Variants in KLF8 observed in about 807,000 individuals in gnomAD.
KLF8 encodes the protein Krueppel-like factor 8.
A neutral mutation model predicts 18.2 loss-of-function variants in KLF8; 10 were observed. The observed-to-expected ratio is 0.55, with a 90% CI of 0.34 to 0.93. The LOEUF (loss-of-function observed/expected upper bound fraction) is 0.93, where lower values mean the gene tolerates loss of function less well. Ranked by LOEUF, KLF8 falls within the 40% of genes least tolerant of loss-of-function variation. The probability of loss-of-function intolerance (pLI) is 0.02; values close to 1 mark genes in which losing one functional copy is unlikely to be tolerated. For synonymous variants in KLF8, 109 were observed against 97.3 expected (o/e 1.12, Z -0.71); for missense variants, 264 against 277.9 (o/e 0.95, Z 0.36).
chrX:56,204,848 G>T, the KLF8 span, among the ~76,000 whole-genome samples: 6 of 110,565 alleles, frequency 5.4e-5, no homozygotes, highest in East Asian at 1.7e-3. Context: ...TAAATGGAGA[G>T]CACTGATCTG....
chrX:56,119,959 C>T, the KLF8 span, among the ~76,000 whole-genome samples: 1 of 108,038 alleles, frequency 9.3e-6, no homozygotes, highest in Non-Finnish European at 1.9e-5. Context: ...TCCATTTCGG[C>T]CCTTTTACAC....
the KLF8 span, among the ~76,000 whole-genome samples, chrX:56,161,829 G>A: frequency 1.8e-5 from 2 of 111,664 alleles, no homozygotes; most frequent in Non-Finnish European, 3.8e-5. Flanking sequence ...GCATTCCTTT[G>A]GTGGAGGAGA....
chrX:56,184,842 C>T, the KLF8 span, among the ~76,000 whole-genome samples: 5 of 112,193 alleles, frequency 4.5e-5, no homozygotes, highest in Admixed American at 3.8e-4. Context: ...AACTAACAAA[C>T]AGAAAGGACA....
At chrX:55,926,071 CACTT>C in the KLF8 span, among the ~76,000 whole-genome samples, 9 of 111,859 alleles carry the variant, frequency 8.0e-5, no homozygotes, top group Non-Finnish European at 3.8e-5. Context: ...CATGGTCTGA[CACTT>C]AGTAGAAAGT....
the KLF8 span, among the ~76,000 whole-genome samples, chrX:56,026,906 T>C: frequency 8.9e-6 from 1 of 112,739 alleles, no homozygotes; most frequent in Non-Finnish European, 1.9e-5. Context: ...AAGGAGCTAC[T>C]CCATAGGCTT....
intron 1 of KLF8, chrX:56,243,365 G>A: frequency 3.4e-6 from 1 of 296,933 alleles, no homozygotes; most frequent in South Asian, 4.1e-5. Context: ...CTTTGGCTTT[G>A]ACTTTAGGAG....
At chrX:56,281,778 T>C (rs2147698372) in intron 5 of KLF8, among the ~76,000 whole-genome samples, 1 of 112,837 alleles carries the variant, frequency 8.9e-6, no homozygotes, top group Non-Finnish European at 1.9e-5. Context: ...TCTCTGCATA[T>C]ATACTTTGTT....
the KLF8 span, among the ~76,000 whole-genome samples, chrX:56,212,249 CT>C: frequency 8.1e-5 from 9 of 111,709 alleles, no homozygotes; most frequent in African/African-American, 2.9e-4. Flanking sequence ...GAAGGGGTTT[CT>C]TTTGTAGCTC....
the KLF8 span, among the ~76,000 whole-genome samples, chrX:55,940,260 G>A: frequency 1.8e-5 from 2 of 111,745 alleles, no homozygotes; most frequent in Non-Finnish European, 3.8e-5. Flanking sequence ...CATATAAACA[G>A]AACCAAAGAC....
intron 5 of KLF8, among the ~76,000 whole-genome samples, chrX:56,278,836 T>G (rs2067159310): frequency 8.9e-6 from 1 of 111,809 alleles, no homozygotes; most frequent in Admixed American, 9.5e-5. Context: ...AGTTCTGACT[T>G]CTGGGATGGG....
the KLF8 span, among the ~76,000 whole-genome samples, chrX:56,064,145 A>G: frequency 4.0e-5 from 4 of 100,896 alleles, no homozygotes; most frequent in African/African-American, 8.4e-5. Flanking sequence ...ATACATATAT[A>G]TGTGTGTGTG....
chrX:55,969,008 G>A, the KLF8 span, among the ~76,000 whole-genome samples: 2 of 111,525 alleles, frequency 1.8e-5, no homozygotes, highest in Non-Finnish European at 3.8e-5. Context: ...ATAATAACTA[G>A]AGACACCAAC....
At chrX:56,057,555 A>T in the KLF8 span, among the ~76,000 whole-genome samples, 1 of 111,511 alleles carries the variant, frequency 9.0e-6, no homozygotes, top group South Asian at 3.8e-4. Context: ...GGAGCTCTCC[A>T]TTGGTCAGAA....
the KLF8 span, among the ~76,000 whole-genome samples, chrX:56,191,634 G>A: frequency 3.6e-3 from 405 of 111,400 alleles, 2 homozygotes; most frequent in African/African-American, 0.013. Flanking sequence ...AGAGATTCAA[G>A]GATGGTTCAG....
At chrX:55,997,691 A>C in the KLF8 span, among the ~76,000 whole-genome samples, 1 of 111,616 alleles carries the variant, frequency 9.0e-6, no homozygotes, top group African/African-American at 3.3e-5. Context: ...TCTTGGCTGC[A>C]TACAGTCAGC....
chrX:55,987,675 C>A, the KLF8 span, among the ~76,000 whole-genome samples: 1 of 112,143 alleles, frequency 8.9e-6, no homozygotes, highest in African/African-American at 3.2e-5. Flanking sequence ...GTGCATGTGT[C>A]TTTATAGCAG....
chrX:56,100,875 T>C, the KLF8 span, among the ~76,000 whole-genome samples: 4 of 112,365 alleles, frequency 3.6e-5, no homozygotes, highest in Admixed American at 9.4e-5. Flanking sequence ...AAGTCACATA[T>C]CATAAACATC....
At chrX:55,940,437 A>T in the KLF8 span, among the ~76,000 whole-genome samples, 1 of 111,643 alleles carries the variant, frequency 9.0e-6, no homozygotes. Flanking sequence ...AATGGACAAA[A>T]ACTGGAAGCA....
the KLF8 span, among the ~76,000 whole-genome samples, chrX:56,037,226 T>C: frequency 1.8e-5 from 2 of 111,962 alleles, no homozygotes; most frequent in Admixed American, 1.9e-4. Flanking sequence ...ATCCTTGATT[T>C]GCATATGTTG....
Sources: allele counts gnomAD v4.1 joint callset (sites outside exome capture counted in the v4.1 genomes callset), GRCh38; gene constraint gnomAD v4.1.1; transcripts MANE v1.5; gene names NCBI Gene and HGNC (gene_info 2026-07-23, HGNC 2026-07-21).